Variants in CEP112 observed in about 807,000 individuals in gnomAD.
The protein encoded by CEP112 is centrosomal protein of 112 kDa.
A neutral mutation model predicts 153.0 loss-of-function variants in CEP112; 127 were observed. That is an observed-to-expected ratio of 0.83 (90% CI 0.72 to 0.96). CEP112 has a LOEUF of 0.96. Among genes scored for constraint, CEP112 ranks in the 40% least tolerant of loss-of-function variants. The probability of loss-of-function intolerance (pLI) is 0.00; values close to 1 mark genes in which losing one functional copy is unlikely to be tolerated. For missense variants in CEP112, 1,089 were observed against 1,101.2 expected, an observed-to-expected ratio of 0.99 and a Z score of 0.16; for synonymous variants, 358 against 374.4, an observed-to-expected ratio of 0.96 and a Z score of 0.51.
chr17:66,102,142 A>T (rs887162485), intron 6 of CEP112, among the ~76,000 whole-genome samples: 2 of 152,196 alleles, frequency 1.3e-5, no homozygotes, highest in African/African-American at 4.8e-5. Context: ...GATCCTTCAA[A>T]GAAATAATTT....
intron 23 of CEP112, among the ~76,000 whole-genome samples, chr17:65,736,051 G>C (rs1567937938): frequency 6.6e-6 from 1 of 152,164 alleles, no homozygotes; most frequent in African/African-American, 2.4e-5. Context: ...ATAGATTTGA[G>C]AGGGTCGAGT....
chr17:65,778,822 T>C (rs1240503165), intron 21 of CEP112, among the ~76,000 whole-genome samples: 1 of 152,122 alleles, frequency 6.6e-6, no homozygotes, highest in East Asian at 1.9e-4. Flanking sequence ...AAATGAAAAT[T>C]GGACATAAAT....
At chr17:66,112,870 C>T (rs1287332601) in intron 6 of CEP112, among the ~76,000 whole-genome samples, 1 of 152,000 alleles carries the variant, frequency 6.6e-6, no homozygotes, top group African/African-American at 2.4e-5. Flanking sequence ...CGCTTGAACC[C>T]GAGAAGCGGA....
intron 18 of CEP112, among the ~76,000 whole-genome samples, chr17:65,937,326 A>G (rs2061347522): frequency 2.0e-5 from 2 of 100,868 alleles, no homozygotes; most frequent in African/African-American, 9.7e-5. Flanking sequence ...CCATCTAGGA[A>G]GTGAGGAGCG....
intron 11 of CEP112, among the ~76,000 whole-genome samples, chr17:66,056,835 A>G (rs2145961757): frequency 6.6e-6 from 1 of 152,314 alleles, no homozygotes; most frequent in Middle Eastern, 3.4e-3. Flanking sequence ...CTTTGTGAAT[A>G]CATCAAAAAA....
intron 20 of CEP112, among the ~76,000 whole-genome samples, chr17:65,881,065 A>AG (rs1284817656): frequency 1.3e-5 from 2 of 151,932 alleles, no homozygotes; most frequent in Non-Finnish European, 2.9e-5. Flanking sequence ...AATACAAAAA[A>AG]TTAGCCAGGC....
At chr17:65,975,969 C>T (rs1029987500) in intron 17 of CEP112, among the ~76,000 whole-genome samples, 2 of 152,208 alleles carry the variant, frequency 1.3e-5, no homozygotes, top group Non-Finnish European at 2.9e-5. Flanking sequence ...AATGCGTACA[C>T]GTGTGCTGGA....
chr17:66,067,083 T>C (rs986276233), intron 9 of CEP112, among the ~76,000 whole-genome samples: 2 of 151,898 alleles, frequency 1.3e-5, no homozygotes, highest in African/African-American at 4.8e-5. Context: ...TCCACAGCTT[T>C]ACTGTCTGCT....
chr17:65,813,384 T>C (rs1054925026), intron 21 of CEP112, among the ~76,000 whole-genome samples: 3 of 152,124 alleles, frequency 2.0e-5, no homozygotes, highest in Non-Finnish European at 4.4e-5. Context: ...CAGAGCCTCG[T>C]TGGGAAATGA....
chr17:66,012,951 G>A (rs2064600546), intron 16 of CEP112, among the ~76,000 whole-genome samples: 1 of 151,554 alleles, frequency 6.6e-6, no homozygotes, highest in Non-Finnish European at 1.5e-5. Flanking sequence ...TTGTCTGACT[G>A]AGTTATTTCA....
intron 21 of CEP112, among the ~76,000 whole-genome samples, chr17:65,814,916 T>C (rs558088549): frequency 3.2e-4 from 48 of 152,140 alleles, no homozygotes; most frequent in Non-Finnish European, 6.3e-4. Context: ...GTTCTTTATA[T>C]ATGCTGTATA....
At chr17:65,762,578 T>C (rs973117316) in intron 21 of CEP112, among the ~76,000 whole-genome samples, 2 of 151,996 alleles carry the variant, frequency 1.3e-5, no homozygotes, top group Admixed American at 6.6e-5. Context: ...TTTCTCTCCA[T>C]GCTTCTTTTT....
At chr17:66,016,841 A>G (rs2064796654) in intron 16 of CEP112, among the ~76,000 whole-genome samples, 1 of 152,186 alleles carries the variant, frequency 6.6e-6, no homozygotes, top group African/African-American at 2.4e-5. Context: ...AATTTTTGAG[A>G]AAAATCTATC....
At chr17:65,662,031 C>T (rs1598239068) in intron 24 of CEP112, among the ~76,000 whole-genome samples, 1 of 152,040 alleles carries the variant, frequency 6.6e-6, no homozygotes, top group Non-Finnish European at 1.5e-5. Context: ...TGCAGTGACG[C>T]AATCATGGCT....
intron 24 of CEP112, among the ~76,000 whole-genome samples, chr17:65,678,085 C>G (rs1427124647): frequency 1.3e-5 from 2 of 152,074 alleles, no homozygotes; most frequent in Non-Finnish European, 2.9e-5. Flanking sequence ...ATACGTTTTT[C>G]CAAACATGAC....
chr17:65,740,113 T>C (rs1373428057), intron 23 of CEP112, among the ~76,000 whole-genome samples: 1 of 152,210 alleles, frequency 6.6e-6, no homozygotes, highest in African/African-American at 2.4e-5. Context: ...CATATCTATA[T>C]GTTTTGGGAT....
chr17:65,903,297 C>T lies in CEP112; in HGVS notation c.1981-963G>A, dbSNP rs969945485. 15 of 152,182 alleles carry T rather than the reference C, an allele frequency of 9.9e-5. 1 individual carries two copies. Among genetic ancestry groups the T allele is most frequent in the Non-Finnish European group, 1.6e-4 (11 of 68,026 alleles). 9.4% of individuals were successfully genotyped at this position (152,182 alleles called of 1,614,324 possible). Reference sequence around the variant, plus strand: ...TGTTATTTTCGGCGTGAGAATCCATCTTCAAAAAAGCTAACAGTAGGAGCC... The same window carrying T: ...TGTTATTTTCGGCGTGAGAATCCATTTTCAAAAAAGCTAACAGTAGGAGCC... On this transcript the variant is annotated intron_variant, in intron 19 of 26. Transcript: ENST00000535342.
chr17:65,917,410 T>C (rs34666361), intron 19 of CEP112, among the ~76,000 whole-genome samples: 1 of 152,014 alleles, frequency 6.6e-6, no homozygotes, highest in African/African-American at 2.4e-5. Flanking sequence ...AGTCATATGG[T>C]AATCCATTTG....
At chr17:65,694,804 C>G (rs1272069353) in intron 23 of CEP112, among the ~76,000 whole-genome samples, 2 of 152,232 alleles carry the variant, frequency 1.3e-5, no homozygotes, top group African/African-American at 4.8e-5. Context: ...TTGTGTCATC[C>G]TTATTCAAAA....
Sources: gnomAD v4.1 joint callset for allele counts (sites outside exome capture counted in the v4.1 genomes callset) on GRCh38, gnomAD v4.1.1 for gene constraint, MANE v1.5 for transcripts, NCBI Gene and HGNC (gene_info 2026-07-23, HGNC 2026-07-21) for gene names.